Variants in MBP observed in about 807,000 individuals in gnomAD.
MBP encodes the protein Golli-MBP.
A neutral mutation model predicts 35.8 loss-of-function variants in MBP; 16 were observed. That is an observed-to-expected ratio of 0.45 (90% CI 0.30 to 0.68). The LOEUF (loss-of-function observed/expected upper bound fraction) is 0.68. Among genes scored for constraint, MBP ranks in the 30% least tolerant of loss-of-function variants. MBP has a pLI of 0.08. For synonymous variants in MBP, 143 were observed against 159.6 expected (o/e 0.90, Z 0.78); for missense variants, 380 against 404.7 (o/e 0.94, Z 0.52).
intron 2 of MBP, among the ~76,000 whole-genome samples, chr18:77,077,946 C>T (rs1252075675): frequency 6.6e-6 from 1 of 152,228 alleles, no homozygotes; most frequent in Non-Finnish European, 1.5e-5. Flanking sequence ...GGAACCATCC[C>T]TGTGGAGGGA....
At chr18:77,025,704 A>ATTTTTT (rs1972185043) in intron 3 of MBP, among the ~76,000 whole-genome samples, 2 of 57,038 alleles carry the variant, frequency 3.5e-5, no homozygotes, top group Non-Finnish European at 6.3e-5. Flanking sequence ...CTATTGAAAT[A>ATTTTTT]CTTTTTTTTT....
chr18:77,072,162 C>T (rs1974480375), intron 2 of MBP, among the ~76,000 whole-genome samples: 1 of 152,194 alleles, frequency 6.6e-6, no homozygotes, highest in Non-Finnish European at 1.5e-5. Context: ...TCCGCCTCCC[C>T]TCCCCTCCTG....
rs1969120880 is a variant in MBP at position 76,980,490 on chromosome 18, G to GAGTT, written c.871-23_871-20dup. 1.2e-6 allele frequency: 2 copies of GAGTT among 1,609,382 alleles called. No homozygotes were observed. The highest frequency in any genetic ancestry group is 1.7e-6 in the Non-Finnish European group (2 of 1,176,148). ...TTCCTCCCTGAAAAGGAAGAGAGAG[G>GAGTT]AGTTAGGACGAGAGTGCCGCAGGGT... On this transcript the variant is annotated intron_variant, in intron 8 of 8. Coordinates refer to ENST00000355994, the MANE Select transcript of MBP (RefSeq NM_001025101.2).
chr18:77,024,661 C>T (rs767308360), intron 3 of MBP, among the ~76,000 whole-genome samples: 83 of 152,350 alleles, frequency 5.4e-4, no homozygotes, highest in Non-Finnish European at 9.0e-4. Flanking sequence ...GAGAATCGGC[C>T]GTCGTGGCAG....
Position 76,987,473 on chromosome 18 carries a change from T to A in MBP, c.750+1022A>T, listed in dbSNP as rs531440302. The A allele has an allele frequency of 3.9e-3, 3,865 of 985,546 alleles. 10 individuals carry two copies. The highest frequency in any genetic ancestry group is 4.4e-3 in the Non-Finnish European group (3,616 of 829,972). The allele number at this position is 985,546 out of a possible 1,614,324, so 61.1% of individuals were successfully genotyped here. A position where few individuals can be genotyped will look rare whatever the true frequency, so the allele number is the denominator to read the frequency against. On this transcript the variant is annotated intron_variant, in intron 7 of 8. Coordinates refer to ENST00000355994, the MANE Select transcript of MBP (RefSeq NM_001025101.2). The stretch of plus-strand genomic sequence containing the variant: ...GTGTGGGACTGATCTGGGATCCTCA[T>A]GGTCTCTCAAGTACCCTGCCCCTTC...
In MBP at chr18:77,016,883, G is replaced by C. The variant is rs760796623; in HGVS notation, c.525C>G (p.Ile175Met). The C allele has an allele frequency of 3.1e-6, 5 of 1,614,250 alleles. No individual in the cohort carries two copies. The Admixed American group carries it at 8.3e-5, about 27-fold the overall frequency. The change falls in exon 4 of 9, where the codon ATC becomes ATG. Residue 175 changes from isoleucine (I) to methionine (M), a missense_variant. Ile to Met is a conservative substitution (Grantham distance 10). Transcript: ENST00000355994. Reference protein sequence around the residue: ...RHRDTGILDSIGRFFGGDRGA... With the variant: ...RHRDTGILDSMGRFFGGDRGA... ...CCCTGTCACCGCCAAAGAAGCGCCC[G>C]ATGGAGTCAAGGATGCCCGTGTCTC...
intron 3 of MBP, among the ~76,000 whole-genome samples, chr18:77,062,954 C>T (rs191839343): frequency 1.3e-5 from 2 of 152,284 alleles, no homozygotes; most frequent in East Asian, 1.9e-4. Context: ...TCTTCTGATG[C>T]GTGGATGAAA....
chr18:77,113,173 TTAGGTGA>T (rs1463081158), intron 1 of MBP: 1 of 152,282 alleles, frequency 6.6e-6, no homozygotes, highest in Non-Finnish European at 1.5e-5. Context: ...ACTCCTGACC[TTAGGTGA>T]TCCACCCATC....
chr18:77,040,594 T>C (rs1434676741), intron 3 of MBP, among the ~76,000 whole-genome samples: 1 of 152,160 alleles, frequency 6.6e-6, no homozygotes, highest in South Asian at 2.1e-4. Flanking sequence ...TGTAGACCAA[T>C]GGAACAGAAC....
intron 2 of MBP, among the ~76,000 whole-genome samples, chr18:77,086,505 T>C (rs886390471): frequency 1.3e-5 from 2 of 152,204 alleles, no homozygotes; most frequent in African/African-American, 4.8e-5. Context: ...TACACGAAGA[T>C]GCAAGTCATA....
intron 3 of MBP, among the ~76,000 whole-genome samples, chr18:77,033,370 A>G (rs750607231): frequency 2.4e-4 from 37 of 152,146 alleles, no homozygotes; most frequent in Admixed American, 2.4e-3. Flanking sequence ...CAAAACTGAT[A>G]TAACAGCTGG....
intron 4 of MBP, among the ~76,000 whole-genome samples, chr18:76,998,441 A>C (rs1970446850): frequency 6.6e-6 from 1 of 151,984 alleles, no homozygotes; most frequent in African/African-American, 2.4e-5. Context: ...GGTTGTTTCC[A>C]CCTTCTGGCT....
At chr18:77,004,953 G>T (rs1011325395) in intron 4 of MBP, 1 of 152,232 alleles carries the variant, frequency 6.6e-6, no homozygotes, top group African/African-American at 2.4e-5. Context: ...GGGGGCCTTT[G>T]CCTCTGTCCG....
rs145675270 is a variant in MBP at position 77,066,327 on chromosome 18, C to G, written c.110G>C (p.Arg37Pro). The change falls in exon 3 of 9, where the codon CGG becomes CCG. Residue 37 changes from arginine (R) to proline (P), a missense_variant. Coordinates refer to ENST00000355994, the MANE Select transcript of MBP (RefSeq NM_001025101.2). Reference sequence around the variant, plus strand: ...CACTTCGTTGTCCTCTGAGGTTGTCCGTGAAAGTTCACCCAGGTTTCTCTT... The same window carrying G: ...CACTTCGTTGTCCTCTGAGGTTGTCGGTGAAAGTTCACCCAGGTTTCTCTT... Reference protein sequence around the residue: ...EKKRNLGELSRTTSEDNEVFG... With the variant: ...EKKRNLGELSPTTSEDNEVFG... The G allele has an allele frequency of 6.2e-7, 1 of 1,614,056 alleles. No homozygotes were observed. The highest frequency in any genetic ancestry group is 1.3e-5 in the African/African-American group (1 of 74,938).
chr18:76,989,015 G>T lies in MBP; in HGVS notation c.682-103C>A, dbSNP rs781644324. The T allele has an allele frequency of 1.8e-6, 2 of 1,096,014 alleles. No individual in the cohort carries two copies. Among genetic ancestry groups the T allele is most frequent in the South Asian group, 2.5e-5 (2 of 80,812 alleles). 67.9% of individuals were successfully genotyped at this position (1,096,014 alleles called of 1,614,324 possible). Reference sequence around the variant, plus strand: ...TGAGGGTGGCTAGCATCCATCAGCTGCCAGAAGCACCCGGGTGCCCAGCCT... The same window carrying T: ...TGAGGGTGGCTAGCATCCATCAGCTTCCAGAAGCACCCGGGTGCCCAGCCT... On this transcript the variant is annotated intron_variant, in intron 5 of 8. Transcript: ENST00000355994. This position sits in a 1 kb window ranked among gnomAD's most constrained non-coding sequence, Gnocchi z 4.0.
rs558656898 is a variant in MBP, at chr18:77,079,345, C to T, written c.52-12960G>A. Reference sequence around the variant, plus strand: ...CACTGGGCAGTACCACCCATGGCCACGGCCACTGTGGGGGAGCAGGGCTTA... The same window carrying T: ...CACTGGGCAGTACCACCCATGGCCATGGCCACTGTGGGGGAGCAGGGCTTA... On this transcript the variant is annotated intron_variant, in intron 2 of 8. Transcript: ENST00000355994. Among the ~76,000 whole-genome samples, 7 of 152,322 alleles carry T rather than the reference C, an allele frequency of 4.6e-5. No individual in the cohort carries two copies. In the East Asian group the frequency reaches 5.8e-4, roughly 13 times the overall value.
intron 3 of MBP, among the ~76,000 whole-genome samples, chr18:77,042,965 A>G (rs1232139682): frequency 6.6e-6 from 1 of 152,264 alleles, no homozygotes; most frequent in Non-Finnish European, 1.5e-5. Context: ...AGGCGTTCCA[A>G]GATATCATTT....
chr18:77,084,784 C>T (rs2144963186), intron 2 of MBP, among the ~76,000 whole-genome samples: 1 of 152,274 alleles, frequency 6.6e-6, no homozygotes, highest in African/African-American at 2.4e-5. Flanking sequence ...GAAATTACAG[C>T]CAAGCAAACA....
In MBP at chr18:76,985,183, G is replaced by A. The variant is rs751953710; in HGVS notation, c.751-289C>T. 12 of 1,469,778 alleles carry A rather than the reference G, an allele frequency of 8.2e-6. No individual in the cohort carries two copies. The East Asian group carries it at 9.2e-5, about 11-fold the overall frequency. 91.0% of individuals were successfully genotyped at this position (1,469,778 alleles called of 1,614,324 possible). ...CACACATATTTTAAGGATCTAAGTC[G>A]TTTAGGGAACAGTTGCTTACCTTCA... On this transcript the variant is annotated intron_variant, in intron 7 of 8. Coordinates refer to ENST00000355994, the MANE Select transcript of MBP (RefSeq NM_001025101.2).
Sources: allele counts gnomAD v4.1 joint callset (sites outside exome capture counted in the v4.1 genomes callset), GRCh38; gene constraint gnomAD v4.1.1; non-coding constraint Gnocchi (gnomAD v3.1); transcripts MANE v1.5; gene names NCBI Gene and HGNC (gene_info 2026-07-23, HGNC 2026-07-21).